The following KLRG1 variants were observed in gnomAD, a reference collection of about 807,000 sequenced individuals.
The protein encoded by KLRG1 is killer cell lectin-like receptor subfamily G member 1.
Under a neutral mutation model 21.8 loss-of-function variants are expected in KLRG1, and 16 were observed. That is an observed-to-expected ratio of 0.73 (90% CI 0.50 to 1.11). The LOEUF (loss-of-function observed/expected upper bound fraction) is 1.11, where lower values mean the gene tolerates loss of function less well. Among genes scored for constraint, KLRG1 ranks in the 50% most tolerant of loss-of-function variants. The pLI, the probability that KLRG1 is intolerant of heterozygous loss-of-function variation, is 0.00. For missense variants in KLRG1, 173 were observed against 218.3 expected (o/e 0.79, Z 1.31); for synonymous variants, 69 against 75.9 (o/e 0.91, Z 0.47).
chr12:9,127,981 C>T, the KLRG1 span: 1 of 309,234 alleles, frequency 3.2e-6, no homozygotes, highest in South Asian at 3.2e-5. Context: ...CGCCTGGCTG[C>T]AGATCACTTC....
At chr12:9,143,632 G>T in the KLRG1 span, among the ~76,000 whole-genome samples, 1 of 152,128 alleles carries the variant, frequency 6.6e-6, no homozygotes, top group African/African-American at 2.4e-5. Context: ...CCTGCCATTT[G>T]CTGTTCCTGG....
the KLRG1 span, among the ~76,000 whole-genome samples, chr12:9,120,982 C>G: frequency 0.5 from 75,501 of 150,752 alleles, 20,345 homozygotes; most frequent in African/African-American, 0.7. Context: ...CTAGGCTCAA[C>G]TGATCCTCCC....
the KLRG1 span, chr12:9,182,089 A>G: frequency 1.2e-6 from 2 of 1,613,170 alleles, no homozygotes; most frequent in African/African-American, 1.3e-5. Context: ...CTGACTCCAC[A>G]GGGAAGGATA....
chr12:9,011,737 T>C (rs955067362), downstream of KLRG1, among the ~76,000 whole-genome samples: 3 of 152,148 alleles, frequency 2.0e-5, no homozygotes, highest in African/African-American at 7.2e-5. Context: ...GGAGAGACAG[T>C]CTTGATTTGC....
chr12:9,181,966 A>C, the KLRG1 span: 1 of 1,612,004 alleles, frequency 6.2e-7, no homozygotes, highest in African/African-American at 1.3e-5. Flanking sequence ...TTTATGTTAA[A>C]TCGCTCACCT....
chr12:8,964,655 T>A (rs1946435889), intron 1 of KLRG1, among the ~76,000 whole-genome samples: 1 of 150,962 alleles, frequency 6.6e-6, no homozygotes, highest in Non-Finnish European at 1.5e-5. Flanking sequence ...CTCCCATTAT[T>A]ATTGTGTGGG....
chr12:9,208,622 G>A, the KLRG1 span, among the ~76,000 whole-genome samples: 1 of 152,056 alleles, frequency 6.6e-6, no homozygotes, highest in African/African-American at 2.4e-5. Context: ...CAAACCTCCT[G>A]ATAAGGAACC....
At chr12:9,136,476 TTCTTA>T in the KLRG1 span, among the ~76,000 whole-genome samples, 5 of 152,332 alleles carry the variant, frequency 3.3e-5, no homozygotes, top group South Asian at 1.0e-3. Flanking sequence ...AATAAATTGT[TTCTTA>T]TCTTGGCATT....
the KLRG1 span, among the ~76,000 whole-genome samples, chr12:9,061,377 G>C: frequency 6.6e-6 from 1 of 151,952 alleles, no homozygotes; most frequent in Non-Finnish European, 1.5e-5. Flanking sequence ...TTCCTACCTT[G>C]GCCTCCCAAA....
chr12:9,135,371 C>T, the KLRG1 span: 1 of 319,546 alleles, frequency 3.1e-6, no homozygotes, highest in Non-Finnish European at 6.2e-6. Context: ...TGAACTCACA[C>T]TCTGGGTTGG....
At chr12:9,113,452 C>G in the KLRG1 span, 3 of 1,613,938 alleles carry the variant, frequency 1.9e-6, no homozygotes, top group Admixed American at 1.7e-5. Flanking sequence ...GAAGCACTTA[C>G]AGTCACTGTC....
At chr12:8,957,261 C>T (rs1295982801) in intron 1 of KLRG1, among the ~76,000 whole-genome samples, 2 of 152,206 alleles carry the variant, frequency 1.3e-5, no homozygotes, top group Non-Finnish European at 2.9e-5. Context: ...TCCAAGGCCC[C>T]TGCTGTAGAC....
the KLRG1 span, chr12:9,101,659 G>A: frequency 8.7e-6 from 14 of 1,612,152 alleles, no homozygotes; most frequent in African/African-American, 2.7e-5. Flanking sequence ...CAGGGACTAC[G>A]ATCCTTGTAA....
At chr12:9,143,715 T>C in the KLRG1 span, among the ~76,000 whole-genome samples, 3 of 152,172 alleles carry the variant, frequency 2.0e-5, no homozygotes. Flanking sequence ...GCTGTCATTA[T>C]CTAATTTGCA....
At chr12:9,198,354 A>T in the KLRG1 span, among the ~76,000 whole-genome samples, 1 of 152,128 alleles carries the variant, frequency 6.6e-6, no homozygotes. Flanking sequence ...TACTAAAAAA[A>T]TGTTTCTTCC....
At chr12:9,051,330 CT>C in the KLRG1 span, among the ~76,000 whole-genome samples, 1 of 152,106 alleles carries the variant, frequency 6.6e-6, no homozygotes, top group Non-Finnish European at 1.5e-5. Context: ...GAGCAGCCCC[CT>C]CCAGGGCTTC....
the KLRG1 span, among the ~76,000 whole-genome samples, chr12:9,191,716 A>G: frequency 6.6e-6 from 1 of 152,124 alleles, no homozygotes; most frequent in Non-Finnish European, 1.5e-5. Context: ...ATAGAAAACG[A>G]TCTTGGTTCC....
At chr12:8,964,700 C>T (rs1184379822) in intron 1 of KLRG1, among the ~76,000 whole-genome samples, 4 of 150,638 alleles carry the variant, frequency 2.7e-5, no homozygotes, top group Non-Finnish European at 4.4e-5. Context: ...TAAGGACTTG[C>T]TTTATGAATC....
At chr12:8,959,538 AT>A (rs562394346) in intron 1 of KLRG1, among the ~76,000 whole-genome samples, 7 of 151,882 alleles carry the variant, frequency 4.6e-5, no homozygotes, top group Non-Finnish European at 8.8e-5. Context: ...TCTTGGGGGG[AT>A]GAGTTTGAAA....
Sources: allele counts gnomAD v4.1 joint callset (sites outside exome capture counted in the v4.1 genomes callset), GRCh38; gene constraint gnomAD v4.1.1; transcripts MANE v1.5; gene names NCBI Gene and HGNC (gene_info 2026-07-23, HGNC 2026-07-21).